Variants in MACROD2 observed in about 807,000 individuals in gnomAD.
MACROD2 encodes the protein mono-ADP ribosylhydrolase 2, also known as ADP-ribose glycohydrolase MACROD2.
A neutral mutation model predicts 70.4 loss-of-function variants in MACROD2; 36 were observed. That is an observed-to-expected ratio of 0.51 (90% CI 0.39 to 0.68). MACROD2 has a LOEUF of 0.68. MACROD2 is among the 30% of genes least tolerant of loss of function. The pLI is 0.00. For missense variants in MACROD2, 496 were observed against 538.4 expected, an observed-to-expected ratio of 0.92 and a Z score of 0.78; for synonymous variants, 172 against 178.8, an observed-to-expected ratio of 0.96 and a Z score of 0.30.
At chr20:14,825,888 AG>A (rs1469063210) in intron 5 of MACROD2, among the ~76,000 whole-genome samples, 1 of 152,162 alleles carries the variant, frequency 6.6e-6, no homozygotes, top group Non-Finnish European at 1.5e-5. Context: ...TATGCACAAA[AG>A]ATCGCCCTCC....
At chr20:15,163,927 T>C (rs1348244585) in intron 5 of MACROD2, among the ~76,000 whole-genome samples, 3 of 152,072 alleles carry the variant, frequency 2.0e-5, no homozygotes, top group African/African-American at 7.2e-5. Context: ...CTGAAAATGA[T>C]AGCACAGTGA....
At chr20:14,960,337 A>T (rs1247296709) in intron 5 of MACROD2, among the ~76,000 whole-genome samples, 1 of 152,156 alleles carries the variant, frequency 6.6e-6, no homozygotes. Flanking sequence ...AAGGTGGAGA[A>T]TGTTCCCCCA....
chr20:16,024,169 G>A (rs1218650524), intron 15 of MACROD2, among the ~76,000 whole-genome samples: 1 of 152,144 alleles, frequency 6.6e-6, no homozygotes, highest in Non-Finnish European at 1.5e-5. Context: ...AATCATGCAA[G>A]TTTGTGTCCT....
At chr20:14,348,929 A>G (rs1011877398) in intron 3 of MACROD2, among the ~76,000 whole-genome samples, 1 of 151,964 alleles carries the variant, frequency 6.6e-6, no homozygotes, top group African/African-American at 2.4e-5. Context: ...TTAGCTGGGC[A>G]TGGTGGTACA....
intron 3 of MACROD2, among the ~76,000 whole-genome samples, chr20:14,371,476 T>C (rs936197578): frequency 4.6e-5 from 7 of 152,072 alleles, no homozygotes; most frequent in African/African-American, 1.7e-4. Flanking sequence ...AGTGACAGAG[T>C]GAGACTCCAT....
At chr20:14,338,738 T>TGAATAAACAC (rs1233896022) in intron 3 of MACROD2, among the ~76,000 whole-genome samples, 2 of 152,202 alleles carry the variant, frequency 1.3e-5, no homozygotes, top group Non-Finnish European at 2.9e-5. Flanking sequence ...TTTAGGTACA[T>TGAATAAACAC]GAATAAACAC....
chr20:15,833,567 G>A (rs1231342588), intron 8 of MACROD2, among the ~76,000 whole-genome samples: 4 of 152,114 alleles, frequency 2.6e-5, no homozygotes, highest in East Asian at 1.9e-4. Context: ...ATTGAGAAAC[G>A]TGCTTTGAGT....
chr20:14,936,549 A>G (rs2074341698), intron 5 of MACROD2, among the ~76,000 whole-genome samples: 1 of 152,144 alleles, frequency 6.6e-6, no homozygotes, highest in Admixed American at 6.5e-5. Context: ...AAGCTTTACT[A>G]GTAAATCTTT....
chr20:14,809,564 A>C (rs1236923428), intron 5 of MACROD2, among the ~76,000 whole-genome samples: 1 of 152,056 alleles, frequency 6.6e-6, no homozygotes, highest in East Asian at 1.9e-4. Flanking sequence ...AGCTAGCAGA[A>C]GACAAGAAAT....
At chr20:15,793,110 A>G (rs990231258) in intron 8 of MACROD2, among the ~76,000 whole-genome samples, 3 of 135,518 alleles carry the variant, frequency 2.2e-5, no homozygotes, top group Non-Finnish European at 3.3e-5. Flanking sequence ...TTCATTTTGT[A>G]TAAAAAAAGA....
At chr20:14,710,854 A>G (rs2071330412) in intron 5 of MACROD2, among the ~76,000 whole-genome samples, 1 of 152,170 alleles carries the variant, frequency 6.6e-6, no homozygotes, top group Non-Finnish European at 1.5e-5. Flanking sequence ...CTGATTGATA[A>G]TCCACTTTCC....
At chr20:15,412,754 A>G (rs2046095568) in intron 6 of MACROD2, among the ~76,000 whole-genome samples, 1 of 152,200 alleles carries the variant, frequency 6.6e-6, no homozygotes, top group Admixed American at 6.5e-5. Context: ...AGGAATTACT[A>G]TGTCTAATGA....
intron 6 of MACROD2, among the ~76,000 whole-genome samples, chr20:15,398,815 A>ATTTTG (rs546092421): frequency 2.6e-5 from 4 of 151,834 alleles, no homozygotes; most frequent in African/African-American, 7.3e-5. Context: ...GTTCTGTTTT[A>ATTTTG]TTTTGTTTTG....
At chr20:15,956,737 G>C (rs2065982468) in intron 12 of MACROD2, among the ~76,000 whole-genome samples, 1 of 152,092 alleles carries the variant, frequency 6.6e-6, no homozygotes, top group Non-Finnish European at 1.5e-5. Flanking sequence ...TGAAGCTCTG[G>C]GGTTGGGGCC....
chr20:14,953,547 C>T (rs374019553), intron 5 of MACROD2, among the ~76,000 whole-genome samples: 5 of 152,152 alleles, frequency 3.3e-5, no homozygotes, highest in East Asian at 3.9e-4. Flanking sequence ...CCTCATGGTC[C>T]GCCCACCTCG....
intron 3 of MACROD2, among the ~76,000 whole-genome samples, chr20:14,413,355 T>C (rs745700453): frequency 1.5e-4 from 23 of 151,716 alleles, no homozygotes; most frequent in Non-Finnish European, 2.9e-4. Context: ...AAAACTGATA[T>C]TTATAAGTTT....
At position 14,259,943 on chromosome 20, in the gene MACROD2, G is replaced by T. The variant is rs554224205; in HGVS notation, c.271+174215G>T. Among the ~76,000 whole-genome samples the T allele has an allele frequency of 2.6e-4, 39 of 152,328 alleles. No individual in the cohort carries two copies. In the South Asian group the frequency reaches 7.5e-3, roughly 29 times the overall value. On this transcript the variant is annotated intron_variant, in intron 3 of 17. Transcript: ENST00000684519. ...GTAAAAGAATTGGAAACAGATTGAA[G>T]TTCCTTAATTCATGAATCTCTAAAA...
intron 8 of MACROD2, among the ~76,000 whole-genome samples, chr20:15,511,771 A>T (rs1169215037): frequency 6.6e-6 from 1 of 152,202 alleles, no homozygotes; most frequent in African/African-American, 2.4e-5. Context: ...TCAGCTTGTC[A>T]GTGAGACAAG....
intron 15 of MACROD2, among the ~76,000 whole-genome samples, chr20:16,012,983 C>A (rs2066883274): frequency 2.0e-5 from 3 of 152,284 alleles, no homozygotes; most frequent in African/African-American, 7.2e-5. Context: ...AGATCGAGAC[C>A]ATCCTGGCCA....
Sources: gnomAD v4.1 joint callset for allele counts (sites outside exome capture counted in the v4.1 genomes callset) on GRCh38, gnomAD v4.1.1 for gene constraint, MANE v1.5 for transcripts, NCBI Gene and HGNC (gene_info 2026-07-23, HGNC 2026-07-21) for gene names.